Variants in KIAA1217 observed in about 807,000 individuals in gnomAD.
KIAA1217 encodes the protein sickle tail protein homolog.
Under a neutral mutation model 163.9 loss-of-function variants are expected in KIAA1217, and 88 were observed. The ratio of observed to expected loss-of-function variants is 0.54; its 90% CI spans 0.45 to 0.64. The LOEUF is 0.64. Ranked by LOEUF, KIAA1217 falls within the 30% of genes least tolerant of loss-of-function variation. KIAA1217 has a pLI of 0.00. For synonymous variants in KIAA1217, 903 were observed against 923.1 expected (o/e 0.98, Z 0.39); for missense variants, 2,372 against 2,475.0 (o/e 0.96, Z 0.88).
intron 1 of KIAA1217, among the ~76,000 whole-genome samples, chr10:23,894,474 C>T (rs1282829558): frequency 3.4e-5 from 5 of 145,716 alleles, no homozygotes; most frequent in African/African-American, 1.3e-4. Flanking sequence ...CAAACCACTG[C>T]TCAAGGAAAT....
At chr10:23,817,962 C>CATATATAT (rs71397918) in intron 1 of KIAA1217, among the ~76,000 whole-genome samples, 3 of 54,256 alleles carry the variant, frequency 5.5e-5, no homozygotes, top group Non-Finnish European at 6.8e-5. Context: ...TGTGGTGGCA[C>CATATATAT]ATATATATAT....
At chr10:24,021,923 C>T (rs1359473359) in intron 2 of KIAA1217, among the ~76,000 whole-genome samples, 2 of 151,640 alleles carry the variant, frequency 1.3e-5, no homozygotes, top group Non-Finnish European at 3.0e-5. Flanking sequence ...GTTCTGACAC[C>T]TTTCACAAAA....
chr10:23,848,385 G>A (rs146147717), intron 1 of KIAA1217, among the ~76,000 whole-genome samples: 3 of 151,806 alleles, frequency 2.0e-5, no homozygotes, highest in African/African-American at 7.2e-5. Flanking sequence ...TGTATTATGA[G>A]TGTTCATAAC....
intron 1 of KIAA1217, among the ~76,000 whole-genome samples, chr10:23,949,358 A>G (rs2131351127): frequency 1.3e-5 from 2 of 152,262 alleles, no homozygotes; most frequent in African/African-American, 4.8e-5. Context: ...GTTGATTTAT[A>G]TGTATTTACA....
intron 1 of KIAA1217, among the ~76,000 whole-genome samples, chr10:23,767,501 T>C (rs1375214355): frequency 6.6e-6 from 1 of 152,066 alleles, no homozygotes; most frequent in East Asian, 1.9e-4. Flanking sequence ...TATGGGAGGC[T>C]GAGGTGGGAG....
intron 2 of KIAA1217, among the ~76,000 whole-genome samples, chr10:24,041,530 A>G (rs1337305385): frequency 6.6e-6 from 1 of 152,216 alleles, no homozygotes; most frequent in Non-Finnish European, 1.5e-5. Context: ...ACACATATGC[A>G]CATACACACA....
chr10:24,521,530 T>G (rs2071277543), intron 11 of KIAA1217, among the ~76,000 whole-genome samples: 1 of 151,984 alleles, frequency 6.6e-6, no homozygotes, highest in Non-Finnish European at 1.5e-5. Context: ...AAAGTAATAA[T>G]AATAACCCTA....
intron 5 of KIAA1217, among the ~76,000 whole-genome samples, chr10:24,455,189 C>T (rs2061673312): frequency 6.6e-6 from 1 of 152,160 alleles, no homozygotes; most frequent in South Asian, 2.1e-4. Context: ...TTCAGTATCA[C>T]TTTGAGACTA....
intron 10 of KIAA1217, 59 bp from the exon 11 acceptor site, chr10:24,520,064 C>G: frequency 6.4e-7 from 1 of 1,551,612 alleles, no homozygotes; most frequent in Non-Finnish European, 8.7e-7. Context: ...CTCGGCCCCT[C>G]CTCTTCCTCT....
At position 24,417,853 on chromosome 10, in the gene KIAA1217, A is replaced by G. The variant is rs111792707; in HGVS notation, c.554-15142A>G. Among the ~76,000 whole-genome samples the G allele has an allele frequency of 2.1e-3, 236 of 112,156 alleles. 2 individuals are homozygous for G. The highest frequency in any genetic ancestry group is 9.4e-3 in the African/African-American group (220 of 23,442). 73.6% of individuals were successfully genotyped at this position (112,156 alleles called of 152,430 possible). ...TTGTTTATATTTGTTGTCAAAGAAT[A>G]GCTTGATTTTTTTTTTTTTGGTTAT... is the stretch of plus-strand genomic sequence containing the variant. On this transcript the variant is annotated intron_variant, in intron 3 of 20. Transcript: ENST00000376454.
intron 2 of KIAA1217, among the ~76,000 whole-genome samples, chr10:24,255,913 T>G (rs1242431042): frequency 1.3e-5 from 2 of 152,124 alleles, no homozygotes; most frequent in Non-Finnish European, 2.9e-5. Flanking sequence ...TTCTACAGGA[T>G]GTTTCTAAGT....
chr10:24,258,842 C>G (rs1276163927), intron 2 of KIAA1217, among the ~76,000 whole-genome samples: 1 of 152,126 alleles, frequency 6.6e-6, no homozygotes, highest in Non-Finnish European at 1.5e-5. Context: ...ATCCGCCCGC[C>G]TGGGCCTCCC....
At chr10:24,520,503 G>A (rs1351106860) in intron 11 of KIAA1217, among the ~76,000 whole-genome samples, 1 of 150,774 alleles carries the variant, frequency 6.6e-6, no homozygotes, top group Non-Finnish European at 1.5e-5. Context: ...CTTTCTATTT[G>A]CTAGGCTCTT....
intron 2 of KIAA1217, among the ~76,000 whole-genome samples, chr10:24,289,322 A>T (rs560048405): frequency 5.1e-4 from 78 of 152,236 alleles, no homozygotes; most frequent in African/African-American, 1.8e-3. Flanking sequence ...TGTGAAAGGA[A>T]GGAGTTAACC....
At chr10:23,987,719 G>T (rs958567143) in intron 1 of KIAA1217, among the ~76,000 whole-genome samples, 1 of 151,830 alleles carries the variant, frequency 6.6e-6, no homozygotes, top group Non-Finnish European at 1.5e-5. Context: ...CAGTCACTAC[G>T]TTGTGCAATA....
chr10:24,531,864 G>T lies in KIAA1217; in HGVS notation c.3117G>T (p.Lys1039Asn), dbSNP rs2073174951. 6.2e-7 allele frequency: 1 copy of T among 1,606,944 alleles called. No homozygotes were observed. Among genetic ancestry groups the T allele is most frequent in the Admixed American group, 1.7e-5 (1 of 59,370 alleles). ...DSPNSEQDLEKLGGKSPPPPP... is the reference protein window; with the variant it reads ...DSPNSEQDLENLGGKSPPPPP... ...CAAATTCGGAACAGGACTTGGAAAA[G>T]CTGGGGGGAAAGTCGCCCCCTCCTC... Residue 1039 changes from lysine to asparagine, a missense_variant, in exon 15 of 21, where the codon AAG becomes AAT. Physicochemically the swap from Lys to Asn is moderately conservative, Grantham distance 94. Coordinates refer to ENST00000376454, the MANE Select transcript of KIAA1217 (RefSeq NM_019590.5).
intron 1 of KIAA1217, among the ~76,000 whole-genome samples, chr10:23,749,245 T>C (rs984651890): frequency 5.3e-5 from 8 of 152,170 alleles, no homozygotes; most frequent in Admixed American, 1.3e-4. Flanking sequence ...TTTATTTCAA[T>C]TGACAACTTG....
At position 23,995,895 on chromosome 10, in the gene KIAA1217, G is replaced by T. The variant is rs115027379; in HGVS notation, c.-320-11330G>T. ...TGCAAACTCTGAATCCTGGTCCCCA[G>T]TCTATTCTTGACTTTGGGAAAGTCA... is the stretch of plus-strand genomic sequence containing the variant. On this transcript the variant is annotated intron_variant, in intron 1 of 18. Transcript: ENST00000376462. Among the ~76,000 whole-genome samples the T allele has an allele frequency of 2.5e-3, 386 of 152,232 alleles. 1 individual carries two copies. The highest frequency in any genetic ancestry group is 9.1e-3 in the African/African-American group (379 of 41,536).
chr10:24,104,861 A>G (rs1053733710), intron 2 of KIAA1217, among the ~76,000 whole-genome samples: 5 of 152,214 alleles, frequency 3.3e-5, no homozygotes, highest in African/African-American at 7.2e-5. Flanking sequence ...CTGTACTTAT[A>G]AAAATGATGA....
Sources: gnomAD v4.1 joint callset for allele counts (sites outside exome capture counted in the v4.1 genomes callset) on GRCh38, gnomAD v4.1.1 for gene constraint, MANE v1.5 for transcripts, NCBI Gene and HGNC (gene_info 2026-07-23, HGNC 2026-07-21) for gene names.